Variants in CNBD1 observed in about 807,000 individuals in gnomAD.
CNBD1 encodes the protein cyclic nucleotide binding domain containing 1, also known as cyclic nucleotide-binding domain-containing protein 1.
In CNBD1, 71 loss-of-function variants were observed where a neutral mutation model predicts 54.4. That is an observed-to-expected ratio of 1.30 (90% CI 1.08 to 1.59). The LOEUF is 1.59. Ranked by LOEUF, CNBD1 falls within the 40% of genes most tolerant of loss-of-function variation. The pLI is 0.00. For missense variants in CNBD1, 659 were observed against 518.0 expected (o/e 1.27, Z -2.64); for synonymous variants, 182 against 170.7 (o/e 1.07, Z -0.51).
intron 6 of CNBD1, among the ~76,000 whole-genome samples, chr8:87,260,043 A>G (rs771086991): frequency 6.6e-6 from 1 of 152,164 alleles, no homozygotes; most frequent in Non-Finnish European, 1.5e-5. Flanking sequence ...CTCATTTTTT[A>G]AGCTGAGAAT....
chr8:87,395,573 C>T (rs1172230880), intron 2 of CNBD1, among the ~76,000 whole-genome samples: 1 of 151,632 alleles, frequency 6.6e-6, no homozygotes, highest in Non-Finnish European at 1.5e-5. Context: ...TGGTACTAAA[C>T]CTTTGTGTTA....
At chr8:87,404,770 A>C (rs1807625413) in intron 2 of CNBD1, among the ~76,000 whole-genome samples, 4 of 152,110 alleles carry the variant, frequency 2.6e-5, no homozygotes, top group Admixed American at 2.6e-4. Flanking sequence ...ACTATCATTT[A>C]ATTTACTATC....
chr8:87,134,594 C>CTTTTTTTTTTTTT (rs1167232265), intron 4 of CNBD1, among the ~76,000 whole-genome samples: 2 of 86,964 alleles, frequency 2.3e-5, no homozygotes, highest in African/African-American at 8.5e-5. Flanking sequence ...ATTAGATTAC[C>CTTTTTTTTTTTTT]TTTTTTTTTT....
intron 4 of CNBD1, among the ~76,000 whole-genome samples, chr8:86,968,260 C>T (rs1421685279): frequency 1.3e-5 from 2 of 152,034 alleles, no homozygotes; most frequent in Admixed American, 6.6e-5. Context: ...ACCACTCACC[C>T]GGTTGGAAGC....
At chr8:87,268,604 T>A (rs1586378534) in intron 6 of CNBD1, among the ~76,000 whole-genome samples, 1 of 152,122 alleles carries the variant, frequency 6.6e-6, no homozygotes, top group African/African-American at 2.4e-5. Context: ...TGTTGTTTTA[T>A]GACTTTTTAA....
intron 2 of CNBD1, among the ~76,000 whole-genome samples, chr8:87,392,097 C>T (rs1811320909): frequency 6.6e-6 from 1 of 151,928 alleles, no homozygotes; most frequent in Non-Finnish European, 1.5e-5. Flanking sequence ...ATCAGAACAG[C>T]AGTGAGATAA....
intron 2 of CNBD1, among the ~76,000 whole-genome samples, chr8:87,426,120 G>A (rs970634896): frequency 3.3e-5 from 5 of 152,198 alleles, no homozygotes; most frequent in African/African-American, 4.8e-5. Context: ...ACTAGGAAAG[G>A]GAACTCCCTG....
chr8:86,996,050 GA>G (rs1377218934), intron 4 of CNBD1, among the ~76,000 whole-genome samples: 1 of 152,126 alleles, frequency 6.6e-6, no homozygotes, highest in Non-Finnish European at 1.5e-5. Flanking sequence ...TCCCAAGAGA[GA>G]AAGCCCCTCC....
At chr8:87,297,003 T>G (rs898031456) in intron 8 of CNBD1, among the ~76,000 whole-genome samples, 4 of 151,280 alleles carry the variant, frequency 2.6e-5, no homozygotes, top group African/African-American at 7.3e-5. Context: ...GTGAAACCCC[T>G]TCTCTACTAA....
intron 4 of CNBD1, among the ~76,000 whole-genome samples, chr8:87,204,399 C>T (rs1193689246): frequency 6.6e-6 from 1 of 152,120 alleles, no homozygotes; most frequent in African/African-American, 2.4e-5. Context: ...TTCATCAGAC[C>T]TTTGCCATAG....
At chr8:86,911,068 C>T (rs13250604) in intron 3 of CNBD1, among the ~76,000 whole-genome samples, 72,153 of 152,018 alleles carry the variant, frequency 0.47, 17,915 homozygotes, top group South Asian at 0.6. Flanking sequence ...GATTCTCTAC[C>T]TCACCATGTT....
chr8:87,098,351 A>C (rs1192663531), intron 4 of CNBD1, among the ~76,000 whole-genome samples: 1 of 152,196 alleles, frequency 6.6e-6, no homozygotes, highest in Non-Finnish European at 1.5e-5. Context: ...CAAAATAGAG[A>C]GGTAGCCCCA....
intron 5 of CNBD1, among the ~76,000 whole-genome samples, chr8:87,222,618 C>G (rs995110182): frequency 4.6e-5 from 7 of 152,124 alleles, no homozygotes; most frequent in African/African-American, 1.7e-4. Context: ...TTCCTTGAAA[C>G]TTTTAAGTCC....
chr8:87,035,217 G>C (rs1049715872), intron 4 of CNBD1, among the ~76,000 whole-genome samples: 1 of 152,092 alleles, frequency 6.6e-6, no homozygotes. Flanking sequence ...GCACATGCAT[G>C]TTTGTTACAT....
At position 87,201,759 on chromosome 8, in the gene CNBD1, A is replaced by T. The variant is rs188827090; in HGVS notation, c.432-4234A>T. ...TCAGAGGTTGAAAAACTTAATTTTT[A>T]AAAAAAATTATTTATTTTTTGAGAT... On this transcript the variant is annotated intron_variant, in intron 4 of 10. Coordinates refer to ENST00000518476, the MANE Select transcript of CNBD1 (RefSeq NM_173538.3). Among the ~76,000 whole-genome samples the T allele has an allele frequency of 8.9e-4, 136 of 152,092 alleles. 2 individuals are homozygous for T. The East Asian group carries it at 0.023, about 26-fold the overall frequency.
intron 8 of CNBD1, among the ~76,000 whole-genome samples, chr8:87,308,450 T>C (rs1809200757): frequency 6.6e-6 from 1 of 152,296 alleles, no homozygotes; most frequent in South Asian, 2.1e-4. Context: ...TGTGTGATTC[T>C]ATTTCTTCTT....
intron 4 of CNBD1, among the ~76,000 whole-genome samples, chr8:87,017,108 G>A (rs74404471): frequency 9.2e-5 from 14 of 152,098 alleles, no homozygotes; most frequent in Non-Finnish European, 2.1e-4. Flanking sequence ...TGGGAACCCC[G>A]ACCCTTTTCA....
At chr8:87,255,972 AATATATATAT>A (rs1164599078) in intron 6 of CNBD1, among the ~76,000 whole-genome samples, 393 of 16,830 alleles carry the variant, frequency 0.023, 11 homozygotes, top group Middle Eastern at 0.05. Flanking sequence ...TGCAGCTACA[AATATATATAT>A]ATATATATAT....
chr8:87,070,965 T>G (rs1466503716), intron 4 of CNBD1, among the ~76,000 whole-genome samples: 7 of 152,052 alleles, frequency 4.6e-5, no homozygotes, highest in African/African-American at 1.7e-4. Context: ...GATAGGATAA[T>G]GTTTACTGTT....
Sources: gnomAD v4.1 joint callset for allele counts (sites outside exome capture counted in the v4.1 genomes callset) on GRCh38, gnomAD v4.1.1 for gene constraint, MANE v1.5 for transcripts, NCBI Gene and HGNC (gene_info 2026-07-23, HGNC 2026-07-21) for gene names.